The following ATXN7L3 variants were observed in gnomAD, a reference collection of about 807,000 sequenced individuals.
ATXN7L3 encodes the protein ataxin-7-like protein 3.
In ATXN7L3, 6 loss-of-function variants were observed where a neutral mutation model predicts 50.0. That is an observed-to-expected ratio of 0.12 (90% CI 0.07 to 0.24). The LOEUF (loss-of-function observed/expected upper bound fraction) is 0.24. ATXN7L3 is among the 10% of genes least tolerant of loss of function. ATXN7L3 has a pLI of 1.00. For missense variants in ATXN7L3, 322 were observed against 451.3 expected, an observed-to-expected ratio of 0.71 and a Z score of 2.60; for synonymous variants, 198 against 165.8, an observed-to-expected ratio of 1.19 and a Z score of -1.49.
At position 44,196,039 on chromosome 17, in the gene ATXN7L3, T is replaced by C. The variant is rs1475791689; in HGVS notation, c.518A>G (p.Lys173Arg). 4 of 1,611,520 alleles carry C rather than the reference T, an allele frequency of 2.5e-6. No homozygotes were observed. The highest frequency in any genetic ancestry group is 3.4e-6 in the Non-Finnish European group (4 of 1,177,720). ...SPRRSKSLKH[K>R]NGELSNSDPF... ...ATTGCTCCGGCTCCACTTACCATTTTTGTGTTTTAATGACTTGGATCTTCG... is the reference window on the plus strand; with the variant it reads ...ATTGCTCCGGCTCCACTTACCATTTCTGTGTTTTAATGACTTGGATCTTCG... Residue 173 changes from lysine to arginine, a missense_variant, in exon 7 of 13, where the codon AAA (lysine) becomes AGA (arginine). Around this residue, in one of 5 missense-constraint regions of ATXN7L3, gnomAD observed 95 missense variants for 98.1 expected, o/e 0.97. Transcript: ENST00000587097.
At position 44,197,744 on chromosome 17, in the gene ATXN7L3, G is replaced by A. The variant is rs773440271; in HGVS notation, c.52-14C>T. Reference sequence around the variant, plus strand: ...CTGAGCGATGGCCTGGGCCCCAGGGGAGAACATCTACGGTCACAAGAGTCA... The same window carrying A: ...CTGAGCGATGGCCTGGGCCCCAGGGAAGAACATCTACGGTCACAAGAGTCA... On this transcript the variant is annotated splice_polypyrimidine_tract_variant and intron_variant, in intron 2 of 12. Transcript: ENST00000587097. 1.6e-5 allele frequency: 26 copies of A among 1,614,140 alleles called. 1 individual carries two copies. The South Asian group carries it at 2.9e-4, about 18-fold the overall frequency.
intron 1 of ATXN7L3, 71 bp from the exon 2 acceptor site, chr17:44,198,201 A>G: frequency 1.2e-6 from 1 of 832,612 alleles, no homozygotes; most frequent in African/African-American, 1.7e-5. Flanking sequence ...TTCCCTCCCC[A>G]CCTCGCTGCC....
rs1788653196 is a variant in ATXN7L3, at chr17:44,194,506, G to A, written c.895+11C>T. 1 of 1,613,422 alleles carries A rather than the reference G, an allele frequency of 6.2e-7. No individual in the cohort carries two copies. The highest frequency in any genetic ancestry group is 8.5e-7 in the Non-Finnish European group (1 of 1,179,932). ...GGCACAGAGCCCCTAGGGCCCAACT[G>A]CATCACGTACCTAGACCCCATCCCT... On this transcript the variant is annotated intron_variant, in intron 12 of 12. Coordinates refer to ENST00000587097, the MANE Select transcript of ATXN7L3 (RefSeq NM_001382309.1).
rs1598193863 is a variant in ATXN7L3 at position 44,193,818 on chromosome 17, T to C, written c.*445A>G. ...GCTCCAAGCACCGGACCCATTCACATTGCTGAGGGCGGCCGAGGCAGGCCC... is the reference window on the plus strand; with the variant it reads ...GCTCCAAGCACCGGACCCATTCACACTGCTGAGGGCGGCCGAGGCAGGCCC... On this transcript the variant is annotated 3_prime_UTR_variant, in exon 13 of 13. Coordinates refer to ENST00000587097, the MANE Select transcript of ATXN7L3 (RefSeq NM_001382309.1). 1.1e-5 allele frequency: 2 copies of C among 183,400 alleles called. No homozygotes were observed. The highest frequency in any genetic ancestry group is 1.6e-4 in the East Asian group (1 of 6,420). 11.4% of individuals were successfully genotyped at this position (183,400 alleles called of 1,614,324 possible).
At position 44,194,177 on chromosome 17, in the gene ATXN7L3, A is replaced by G; in HGVS notation, c.*86T>C. ...AGCTTCCCAAGCCCCAACCCCCAGC[A>G]GCCGTCCATTTGCCAGGCTATGCCA... On this transcript the variant is annotated 3_prime_UTR_variant, in exon 13 of 13. Coordinates refer to ENST00000587097, the MANE Select transcript of ATXN7L3 (RefSeq NM_001382309.1). The G allele has an allele frequency of 6.6e-7, 1 of 1,521,624 alleles. No homozygotes were observed. Among genetic ancestry groups the G allele is most frequent in the South Asian group, 1.3e-5 (1 of 79,010 alleles). The allele number at this position is 1,521,624 out of a possible 1,614,324, so 94.3% of individuals were successfully genotyped here. A position where few individuals can be genotyped will look rare whatever the true frequency, so the allele number is the denominator to read the frequency against.
rs549314782 is a variant in ATXN7L3 at position 44,199,559 on chromosome 17, A to G, written c.-124T>C. On this transcript the variant is annotated 5_prime_UTR_variant, in exon 1 of 13. Coordinates refer to ENST00000587097, the MANE Select transcript of ATXN7L3 (RefSeq NM_001382309.1). ...AGGGCCGCGTCCTCCGGCGGCGGCG[A>G]CGGCGGCGGCTGCTCCGGAGCCCCA... is the stretch of plus-strand genomic sequence containing the variant. 1,510 of 146,004 alleles carry G rather than the reference A, an allele frequency of 0.01. 22 individuals are homozygous for G. Among genetic ancestry groups the G allele is most frequent in the Non-Finnish European group, 0.015 (987 of 66,384 alleles). 9.0% of individuals were successfully genotyped at this position (146,004 alleles called of 1,614,324 possible).
Position 44,199,765 on chromosome 17 carries a change from G to A in ATXN7L3, c.-330C>T, listed in dbSNP as rs2144501332. ...CGCGCGCAGTCCGCGCGCCGTCCGCGCGCCCCTCCCCCCGCCCCCCACTCC... is the reference window on the plus strand; with the variant it reads ...CGCGCGCAGTCCGCGCGCCGTCCGCACGCCCCTCCCCCCGCCCCCCACTCC... On this transcript the variant is annotated 5_prime_UTR_variant, in exon 1 of 13. Transcript: ENST00000587097. 7.1e-6 allele frequency: 1 copy of A among 140,718 alleles called. No homozygotes were observed. The highest frequency in any genetic ancestry group is 1.6e-5 in the Non-Finnish European group (1 of 63,826). 8.7% of individuals were successfully genotyped at this position (140,718 alleles called of 1,614,324 possible).
chr17:44,195,125 A>C lies in ATXN7L3; in HGVS notation c.637T>G (p.Ser213Ala). 1 of 1,614,120 alleles carries C rather than the reference A, an allele frequency of 6.2e-7. No homozygotes were observed. Among genetic ancestry groups the C allele is most frequent in the Non-Finnish European group, 8.5e-7 (1 of 1,179,988 alleles). ...SLLTTQCGVI[S>A]EHTKKMCTRS... ...GTGCACATCTTCTTGGTGTGTTCAG[A>C]AATCACCCCACATTGCTGGAAGAGG... The change falls in exon 10 of 13, where the codon TCT becomes GCT. Residue 213 changes from serine to alanine, a missense_variant. Transcript: ENST00000587097.
rs760817000 is a variant in ATXN7L3, at chr17:44,197,746, G to A, written c.52-16C>T. On this transcript the variant is annotated splice_polypyrimidine_tract_variant and intron_variant, in intron 2 of 12. Transcript: ENST00000587097. ...GAGCGATGGCCTGGGCCCCAGGGGA[G>A]AACATCTACGGTCACAAGAGTCACA... 8 of 1,614,138 alleles carry A rather than the reference G, an allele frequency of 5.0e-6. No homozygotes were observed. The highest frequency in any genetic ancestry group is 4.4e-5 in the South Asian group (4 of 91,088).
chr17:44,197,122 G>A, intron 4 of ATXN7L3, 96 bp from the exon 5 acceptor site: 1 of 1,551,102 alleles, frequency 6.4e-7, no homozygotes, highest in African/African-American at 1.4e-5. Context: ...GAAGCAGGTG[G>A]AGCATCTGGG....
At chr17:44,194,718 C>G in intron 11 of ATXN7L3, 44 bp from the exon 12 acceptor site, 1 of 1,613,486 alleles carries the variant, frequency 6.2e-7, no homozygotes, top group Non-Finnish European at 8.5e-7. Flanking sequence ...AGATAGTGAT[C>G]ATCGCCCTAA....
At chr17:44,197,522 C>A in intron 3 of ATXN7L3, 76 bp downstream of exon 3, 1 of 1,606,430 alleles carries the variant, frequency 6.2e-7, no homozygotes, top group Non-Finnish European at 8.5e-7. Context: ...CTACATCTAG[C>A]ACAGTTTCCA....
intron 6 of ATXN7L3, 126 bp from the exon 7 acceptor site, chr17:44,196,205 G>A: frequency 3.1e-6 from 4 of 1,277,544 alleles, no homozygotes; most frequent in Admixed American, 1.9e-5. Context: ...CCCAGTAGGA[G>A]GCCTGTCTAC....
At chr17:44,195,777 C>T (rs1295411979) in intron 8 of ATXN7L3, 23 bp downstream of exon 8, 6 of 1,590,310 alleles carry the variant, frequency 3.8e-6, no homozygotes, top group Non-Finnish European at 5.2e-6. Flanking sequence ...TGAGAGCAAG[C>T]ATGAGGGGCG....
chr17:44,196,821 A>G, intron 5 of ATXN7L3, 108 bp downstream of exon 5: 1 of 712,908 alleles, frequency 1.4e-6, no homozygotes, highest in Admixed American at 2.5e-5. Flanking sequence ...TCGCGTAACT[A>G]CACTCTCTCT....
At chr17:44,198,746 TG>T (rs1420068042) in intron 1 of ATXN7L3, 3 of 129,578 alleles carry the variant, frequency 2.3e-5, no homozygotes, top group African/African-American at 5.8e-5. Flanking sequence ...CGGCGGGGGG[TG>T]GGGGGGAAGA....
Position 44,194,291 on chromosome 17 carries a change from G to T in ATXN7L3, c.1016C>A (p.Thr339Lys). 1 of 1,614,202 alleles carries T rather than the reference G, an allele frequency of 6.2e-7. No homozygotes were observed. Among genetic ancestry groups the T allele is most frequent in the East Asian group, 2.2e-5 (1 of 44,886 alleles). Residue 339 changes from threonine to lysine, a missense_variant, in exon 13 of 13, where the codon ACG becomes AAG. Thr to Lys is a moderately conservative substitution (Grantham distance 78). Around this residue, in one of 5 missense-constraint regions of ATXN7L3, gnomAD observed 122 missense variants for 130.8 expected, o/e 0.93. Transcript: ENST00000587097. ...GTTGATGTCATCATAGATGCTGGGCGTCGGGGGTGCCGGTGGCTTTGGCTT... is the reference window on the plus strand; with the variant it reads ...GTTGATGTCATCATAGATGCTGGGCTTCGGGGGTGCCGGTGGCTTTGGCTT... ...KKKPKPPAPP[T>K]PSIYDDIN
intron 4 of ATXN7L3, 99 bp downstream of exon 4, chr17:44,197,129 T>C: frequency 6.4e-7 from 1 of 1,555,944 alleles, no homozygotes; most frequent in Non-Finnish European, 8.8e-7. Context: ...GTGGAGCATC[T>C]GGGGCCAAGT....
intron 1 of ATXN7L3, 44 bp downstream of exon 1, chr17:44,199,445 CCCCCACA>C (rs1311438664): frequency 2.8e-5 from 4 of 144,396 alleles, no homozygotes; most frequent in African/African-American, 5.1e-5. Flanking sequence ...CGCCCCCCGC[CCCCCACA>C]GGCCCCTCCC....
Sources: gnomAD v4.1 joint callset for allele counts on GRCh38, gnomAD v4.1.1 for gene constraint, gnomAD v4.1.1 regional missense constraint, MANE v1.5 for transcripts, NCBI Gene and HGNC (gene_info 2026-07-23, HGNC 2026-07-21) for gene names.